Variants in SF3B3 observed in about 807,000 individuals in gnomAD.
SF3B3 encodes the protein splicing factor 3b subunit 3.
Under a neutral mutation model 139.2 loss-of-function variants are expected in SF3B3, and 33 were observed. The ratio of observed to expected loss-of-function variants is 0.24; its 90% CI spans 0.18 to 0.32. SF3B3 has a LOEUF of 0.32. Among genes scored for constraint, SF3B3 ranks in the 10% least tolerant of loss-of-function variants. SF3B3 has a pLI of 1.00. For synonymous variants in SF3B3, 596 were observed against 563.6 expected (o/e 1.06, Z -0.81); for missense variants, 818 against 1,509.4 (o/e 0.54, Z 7.59).
chr16:70,558,961 A>C (rs766626118), intron 15 of SF3B3, among the ~76,000 whole-genome samples: 1 of 152,162 alleles, frequency 6.6e-6, no homozygotes, highest in East Asian at 1.9e-4. Context: ...TTGCAGAAGA[A>C]GAAGTTGGTT....
In SF3B3 at chr16:70,556,235, C is replaced by T. The variant is rs139932485; in HGVS notation, c.1767C>T (p.Cys589=). Residue 589 remains cysteine (C), a synonymous_variant, in exon 14 of 26, where the codon TGC becomes TGT. Transcript: ENST00000302516. ...AGGAGATGTCAGCAGATGTGGTGTG[C>T]ATGAGTCTGGCCAATGTACCCCCTG... ...ERKEMSADVV[C]MSLANVPPGE... is the part of the protein sequence containing the mutation. 351 of 1,614,068 alleles carry T rather than the reference C, an allele frequency of 2.2e-4. 1 individual carries two copies. The highest frequency in any genetic ancestry group is 3.1e-4 in the South Asian group (28 of 91,088).
chr16:70,565,184 G>A lies in SF3B3; in HGVS notation c.2583G>A (p.Gln861=), dbSNP rs766472969. 3.7e-6 allele frequency: 6 copies of A among 1,614,092 alleles called. No homozygotes were observed. Among genetic ancestry groups the A allele is most frequent in the South Asian group, 3.3e-5 (3 of 91,082 alleles). Residue 861 remains glutamine, a synonymous_variant, in exon 19 of 26, where the codon CAG becomes CAA. Transcript: ENST00000302516. ...GAGCTCCCAAGGCTGGCAATGGGCA[G>A]TGGGCCTCTGTGATCCGAGTGATGA... ...IFGAPKAGNG[Q]WASVIRVMNP...
At position 70,548,924 on chromosome 16, in the gene SF3B3, G is replaced by A. The variant is rs2050294633; in HGVS notation, c.1402+482G>A. Among the ~76,000 whole-genome samples, 9 of 152,332 alleles carry A rather than the reference G, an allele frequency of 5.9e-5. No homozygotes were observed. In the South Asian group the frequency reaches 1.9e-3, roughly 32 times the overall value. On this transcript the variant is annotated intron_variant, in intron 11 of 25. Transcript: ENST00000302516. ...AAGGAAAGCAGAGTGGAATTGAGTG[G>A]AATTCGAATTTTAGTGTGAGTAGAA...
Position 70,523,843 on chromosome 16 carries a change from C to G in SF3B3, c.-156C>G. ...CCCTGTCTTGAGGTCTAATGGCGGA[C>G]GCCAGTATGTTGGAGTTGGTGGTGG... On this transcript the variant is annotated 5_prime_UTR_variant, in exon 1 of 26. Coordinates refer to ENST00000302516, the MANE Select transcript of SF3B3 (RefSeq NM_012426.5). 1 of 531,882 alleles carries G rather than the reference C, an allele frequency of 1.9e-6. No homozygotes were observed. 32.9% of individuals were successfully genotyped at this position (531,882 alleles called of 1,614,324 possible).
At position 70,574,588 on chromosome 16, in the gene SF3B3, T is replaced by C. The variant is rs2050559872; in HGVS notation, c.*2775T>C. ...ATCTCAGCCCACTGCAACCTCTATC[T>C]CCTGAGCTCAAGCGATCCTCCTTAG... is the stretch of plus-strand genomic sequence containing the variant. On this transcript the variant is annotated 3_prime_UTR_variant, in exon 26 of 26. Transcript: ENST00000302516. The C allele has an allele frequency of 1.3e-5, 2 of 152,254 alleles. No homozygotes were observed. The highest frequency in any genetic ancestry group is 6.5e-5 in the Admixed American group (1 of 15,276). 9.4% of individuals were successfully genotyped at this position (152,254 alleles called of 1,614,324 possible). A position where few individuals can be genotyped will look rare whatever the true frequency, so the allele number is the denominator to read the frequency against.
At position 70,571,078 on chromosome 16, in the gene SF3B3, T is replaced by G; in HGVS notation, c.3409-17T>G. ...GAAATCACTTCTCAGTGACAGATTT[T>G]TTGTTTCTTCTGCCAGGACCATGAC... On this transcript the variant is annotated splice_polypyrimidine_tract_variant and intron_variant, in intron 24 of 25. Coordinates refer to ENST00000302516, the MANE Select transcript of SF3B3 (RefSeq NM_012426.5). The G allele has an allele frequency of 6.3e-7, 1 of 1,592,536 alleles. No homozygotes were observed. The highest frequency in any genetic ancestry group is 1.1e-5 in the South Asian group (1 of 90,646).
Position 70,575,962 on chromosome 16 carries a change from A to T in SF3B3, c.*4149A>T, listed in dbSNP as rs1297271921. On this transcript the variant is annotated 3_prime_UTR_variant, in exon 26 of 26. Coordinates refer to ENST00000302516, the MANE Select transcript of SF3B3 (RefSeq NM_012426.5). The stretch of plus-strand genomic sequence containing the variant: ...TTCACACGGTGGTTCATGCCTGGTA[A>T]TCCCAGCACTTTGGGCGGCCAGAGG... 6.6e-6 allele frequency: 1 copy of T among 152,186 alleles called. No homozygotes were observed. Among genetic ancestry groups the T allele is most frequent in the Non-Finnish European group, 1.5e-5 (1 of 68,068 alleles). 9.4% of individuals were successfully genotyped at this position (152,186 alleles called of 1,614,324 possible).
chr16:70,529,571 G>C (rs2050101171), intron 3 of SF3B3: 1 of 222,386 alleles, frequency 4.5e-6, no homozygotes, highest in Non-Finnish European at 9.0e-6. Context: ...GAAAATTTTT[G>C]TGTGTCTGAT....
chr16:70,543,536 C>T lies in SF3B3; in HGVS notation c.1234-902C>T, dbSNP rs530233606. On this transcript the variant is annotated intron_variant, in intron 9 of 25. Transcript: ENST00000302516. ...TGTCCTGGCCAACACGGTGAAACCCCGTCTCTACTAAAAATAAAAAAACTA... is the reference window on the plus strand; with the variant it reads ...TGTCCTGGCCAACACGGTGAAACCCTGTCTCTACTAAAAATAAAAAAACTA... Among the ~76,000 whole-genome samples, 104 of 151,684 alleles carry T rather than the reference C, an allele frequency of 6.9e-4. 1 individual carries two copies. The highest frequency in any genetic ancestry group is 2.3e-3 in the African/African-American group (94 of 41,364).
rs180887629 is a variant in SF3B3, at chr16:70,547,328, C to T, written c.1330-1042C>T. 1.5e-4 allele frequency among the ~76,000 whole-genome samples: 23 copies of T among 152,228 alleles called. No homozygotes were observed. The East Asian group carries it at 3.1e-3, about 20-fold the overall frequency. On this transcript the variant is annotated intron_variant, in intron 10 of 25. Coordinates refer to ENST00000302516, the MANE Select transcript of SF3B3 (RefSeq NM_012426.5). ...TATATAAGTGGCTAGTTTATTGTCT[C>T]TAGATCATTTAAAAACATTCAATAA...
At chr16:70,534,748 A>G (rs2050150546) in intron 5 of SF3B3, among the ~76,000 whole-genome samples, 1 of 152,164 alleles carries the variant, frequency 6.6e-6, no homozygotes, top group South Asian at 2.1e-4. Flanking sequence ...GGCTCACTAC[A>G]ACCTCCACCT....
chr16:70,568,440 G>A lies in SF3B3; in HGVS notation c.3110G>A (p.Ser1037Asn), dbSNP rs2050497849. ...DTYPRWVTTA[S>N]LLDYDTVAGA... ...TACCCCCGATGGGTCACTACAGCCA[G>A]CCTCCTGGACTATGACACTGTGGCT... is the stretch of plus-strand genomic sequence containing the variant. The change falls in exon 22 of 26, where the codon AGC becomes AAC. Residue 1037 changes from serine to asparagine, a missense_variant. By Grantham distance (46) the Ser-to-Asn change is conservative. Transcript: ENST00000302516. 2.1e-5 allele frequency: 34 copies of A among 1,613,980 alleles called. No individual in the cohort carries two copies. The highest frequency in any genetic ancestry group is 2.9e-5 in the Non-Finnish European group (34 of 1,179,944).
chr16:70,571,750 G>A lies in SF3B3; in HGVS notation c.3591G>A (p.Leu1197=). The A allele has an allele frequency of 6.2e-7, 1 of 1,614,088 alleles. No homozygotes were observed. The highest frequency in any genetic ancestry group is 8.5e-7 in the Non-Finnish European group (1 of 1,180,012). Residue 1197 remains leucine (L), a synonymous_variant, in exon 26 of 26, where the codon CTG becomes CTA. Coordinates refer to ENST00000302516, the MANE Select transcript of SF3B3 (RefSeq NM_012426.5). ...AACAAAAGAACGTCTCTGAAGAACT[G>A]GACCGAACCCCACCCGAAGTGTCCA... ...PNKQKNVSEE[L]DRTPPEVSKK...
intron 6 of SF3B3, among the ~76,000 whole-genome samples, chr16:70,537,300 G>A (rs2050177920): frequency 6.6e-6 from 1 of 152,160 alleles, no homozygotes; most frequent in Admixed American, 6.5e-5. Context: ...TTAAGGTGGT[G>A]CCTGCCCATT....
rs960744501 is a variant in SF3B3, at chr16:70,565,899, C to G, written c.2826+375C>G. Reference sequence around the variant, plus strand: ...TGGGAGGCCGAGGCAGGCAGATCACCTGAGGTCAGGAGTTCGAGACCAGCC... The same window carrying G: ...TGGGAGGCCGAGGCAGGCAGATCACGTGAGGTCAGGAGTTCGAGACCAGCC... On this transcript the variant is annotated intron_variant, in intron 20 of 25. Coordinates refer to ENST00000302516, the MANE Select transcript of SF3B3 (RefSeq NM_012426.5). Among the ~76,000 whole-genome samples, 6 of 152,088 alleles carry G rather than the reference C, an allele frequency of 3.9e-5. No individual in the cohort carries two copies. The East Asian group carries it at 1.2e-3, about 30-fold the overall frequency.
chr16:70,538,570 G>A, intron 7 of SF3B3, 110 bp downstream of exon 7: 1 of 915,010 alleles, frequency 1.1e-6, no homozygotes, highest in Non-Finnish European at 1.7e-6. Flanking sequence ...AGTTGCCCTT[G>A]GAACCGGTAT....
intron 11 of SF3B3, among the ~76,000 whole-genome samples, chr16:70,552,691 A>C (rs964580606): frequency 6.6e-6 from 1 of 152,220 alleles, no homozygotes; most frequent in African/African-American, 2.4e-5. Flanking sequence ...CCCATTGGGA[A>C]AGATCTTTAA....
At position 70,577,166 on chromosome 16, in the gene SF3B3, G is replaced by A. The variant is rs2050588355; in HGVS notation, c.*5353G>A. Reference sequence around the variant, plus strand: ...ACAAAAACCGGTCTCCTGGGGTCATGGTAGCACAAACGCACATGACTGAGT... The same window carrying A: ...ACAAAAACCGGTCTCCTGGGGTCATAGTAGCACAAACGCACATGACTGAGT... On this transcript the variant is annotated 3_prime_UTR_variant, in exon 26 of 26. Coordinates refer to ENST00000302516, the MANE Select transcript of SF3B3 (RefSeq NM_012426.5). The A allele has an allele frequency of 6.6e-6, 1 of 152,278 alleles. No homozygotes were observed. The highest frequency in any genetic ancestry group is 1.9e-4 in the East Asian group (1 of 5,192). The allele number at this position is 152,278 out of a possible 1,614,324, so 9.4% of individuals were successfully genotyped here.
intron 1 of SF3B3, chr16:70,524,960 G>C (rs960272049): frequency 1.3e-5 from 2 of 151,050 alleles, no homozygotes; most frequent in African/African-American, 4.9e-5. Context: ...TTACAGGTGT[G>C]AGACACCGCG....
Sources: gnomAD v4.1 joint callset for allele counts (sites outside exome capture counted in the v4.1 genomes callset) on GRCh38, gnomAD v4.1.1 for gene constraint, MANE v1.5 for transcripts, NCBI Gene and HGNC (gene_info 2026-07-23, HGNC 2026-07-21) for gene names.